THEMIS: variants seen among roughly 807,000 people sequenced by gnomAD.
THEMIS encodes the protein thymocyte selection associated, also known as protein THEMIS.
THEMIS carries 37 observed loss-of-function variants against 52.6 expected under a neutral mutation model. The observed-to-expected ratio is 0.70, with a 90% CI of 0.54 to 0.93. The LOEUF (loss-of-function observed/expected upper bound fraction) is 0.93, where lower values mean the gene tolerates loss of function less well. Ranked by LOEUF, THEMIS falls within the 40% of genes least tolerant of loss-of-function variation. THEMIS has a pLI of 0.00. For missense variants in THEMIS, 808 were observed against 763.1 expected (o/e 1.06, Z -0.69); for synonymous variants, 292 against 272.7 (o/e 1.07, Z -0.70).
At chr6:127,778,383 C>T (rs1181619270) in intron 4 of THEMIS, among the ~76,000 whole-genome samples, 1 of 152,100 alleles carries the variant, frequency 6.6e-6, no homozygotes, top group East Asian at 1.9e-4. Flanking sequence ...CATTCTTTTA[C>T]TATCAACATG....
rs569065709 is a variant in THEMIS, at chr6:127,812,782, T to C, written c.1758+101A>G. On this transcript the variant is annotated intron_variant, in intron 4 of 5. Transcript: ENST00000368248. ...AGAAAAGCTCATTGCAAATATGGCATGAAAGAAAGAAAAGTAAGCAAAACA... is the reference window on the plus strand; with the variant it reads ...AGAAAAGCTCATTGCAAATATGGCACGAAAGAAAGAAAAGTAAGCAAAACA... The C allele has an allele frequency of 4.1e-6, 5 of 1,207,074 alleles. No individual in the cohort carries two copies. The African/African-American group carries it at 6.1e-5, about 15-fold the overall frequency. 74.8% of individuals were successfully genotyped at this position (1,207,074 alleles called of 1,614,324 possible). A position where few individuals can be genotyped will look rare whatever the true frequency, so the allele number is the denominator to read the frequency against.
chr6:127,801,277 G>A (rs1440163769), intron 4 of THEMIS, among the ~76,000 whole-genome samples: 1 of 152,162 alleles, frequency 6.6e-6, no homozygotes, highest in Non-Finnish European at 1.5e-5. Context: ...GCAAAGTGAT[G>A]AATGAAATCG....
At chr6:127,777,000 T>C (rs1776587118) in intron 4 of THEMIS, among the ~76,000 whole-genome samples, 1 of 151,802 alleles carries the variant, frequency 6.6e-6, no homozygotes, top group South Asian at 2.1e-4. Context: ...AATGTTACAA[T>C]TATATATATA....
intron 4 of THEMIS, chr6:127,807,316 C>T (rs948337573): frequency 4.4e-5 from 11 of 250,304 alleles, no homozygotes; most frequent in African/African-American, 7.2e-5. Context: ...GCCAAGATCA[C>T]GCCATTGCAC....
At chr6:127,748,534 C>T (rs1479269352) in intron 4 of THEMIS, among the ~76,000 whole-genome samples, 1 of 152,052 alleles carries the variant, frequency 6.6e-6, no homozygotes, top group African/African-American at 2.4e-5. Context: ...ACCTAATCAC[C>T]TCTTAAAGTC....
rs1773920090 is a variant in THEMIS, at chr6:127,710,002, C to A, written c.1909G>T (p.Glu637Ter). Residue 637 changes from glutamate to a stop codon, truncating the protein, a stop_gained, in exon 6 of 6, where the codon GAA becomes TAA. Coordinates refer to ENST00000368248, the MANE Select transcript of THEMIS (RefSeq NM_001010923.3). LOFTEE classifies it high-confidence loss of function. ...ATAIAETFKN[E>*]KHQK ...ACATCTTGTTATTTTTGATGTTTTT[C>A]ATTTTTGAATGTTTCTATAAATAAA... The A allele has an allele frequency of 1.3e-6, 2 of 1,583,790 alleles. No homozygotes were observed. The highest frequency in any genetic ancestry group is 1.4e-5 in the African/African-American group (1 of 73,056).
At chr6:127,769,515 G>A (rs1013305235) in intron 4 of THEMIS, among the ~76,000 whole-genome samples, 6 of 152,174 alleles carry the variant, frequency 3.9e-5, no homozygotes, top group African/African-American at 1.4e-4. Flanking sequence ...AAGTCACAAA[G>A]CTTAAGCAGT....
rs1781119556 is a variant in THEMIS at position 127,900,967 on chromosome 6, C to T, written c.-35G>A. ...TTGGGTAGTTTGTAGACCTGGTGCT[C>T]ACAGAAACTTGTGGCTTCTGGGTGA... On this transcript the variant is annotated 5_prime_UTR_variant, in exon 1 of 6. An upstream open reading frame in the 5' UTR loses its in-frame stop. Coordinates refer to ENST00000368248, the MANE Select transcript of THEMIS (RefSeq NM_001010923.3). The T allele has an allele frequency of 1.3e-6, 2 of 1,561,048 alleles. No homozygotes were observed. The highest frequency in any genetic ancestry group is 2.7e-5 in the African/African-American group (2 of 73,780).
At chr6:127,771,514 T>C (rs1776383665) in intron 4 of THEMIS, among the ~76,000 whole-genome samples, 2 of 152,102 alleles carry the variant, frequency 1.3e-5, no homozygotes, top group South Asian at 4.1e-4. Context: ...CGTCAAACTA[T>C]ACTACAAGGC....
intron 4 of THEMIS, among the ~76,000 whole-genome samples, chr6:127,758,816 GTTTC>G (rs1421148972): frequency 2.0e-5 from 3 of 152,050 alleles, no homozygotes; most frequent in African/African-American, 7.2e-5. Context: ...AAAAGAAACT[GTTTC>G]TTTGTTGGGC....
chr6:127,798,977 G>A (rs1162686413), intron 4 of THEMIS, among the ~76,000 whole-genome samples: 3 of 140,616 alleles, frequency 2.1e-5, no homozygotes, highest in Admixed American at 7.2e-5. Flanking sequence ...GGGCGACAGA[G>A]CGAGACTCCG....
intron 1 of THEMIS, among the ~76,000 whole-genome samples, chr6:127,875,359 C>A (rs1780283090): frequency 6.6e-6 from 1 of 152,196 alleles, no homozygotes; most frequent in African/African-American, 2.4e-5. Context: ...CATGTGCATA[C>A]AAGGTGAAGT....
chr6:127,698,510 G>T, the THEMIS span, among the ~76,000 whole-genome samples: 1 of 152,010 alleles, frequency 6.6e-6, no homozygotes. Context: ...TATTACACAA[G>T]TCTATAAGGA....
At chr6:127,797,772 T>C (rs1345536480) in intron 4 of THEMIS, among the ~76,000 whole-genome samples, 7 of 152,220 alleles carry the variant, frequency 4.6e-5, no homozygotes, top group Admixed American at 4.6e-4. Context: ...CTTCTCAATG[T>C]TTCTCTAATT....
intron 1 of THEMIS, among the ~76,000 whole-genome samples, chr6:127,915,188 G>GAA (rs60312145): frequency 2.0e-5 from 3 of 151,392 alleles, no homozygotes; most frequent in Middle Eastern, 3.4e-3. Context: ...TTCCCCTTTG[G>GAA]AAAAAAAACA....
chr6:127,705,164 C>T (rs1324197131), downstream of THEMIS, among the ~76,000 whole-genome samples: 2 of 152,094 alleles, frequency 1.3e-5, no homozygotes, highest in African/African-American at 2.4e-5. Flanking sequence ...GATAAAAATA[C>T]CTGCAGAAGA....
At position 127,813,753 on chromosome 6, in the gene THEMIS, C is replaced by A. The variant is rs1319328911; in HGVS notation, c.888G>T (p.Leu296=). ...EVIEAPEGNH[L]PQSILQPGKT... ...TCCCAGGCTGTAAAATGCTTTGGGG[C>A]AGGTGGTTTCCTTCAGGTGCTTCTA... Residue 296 remains leucine (L), a synonymous_variant, in exon 4 of 6, where the codon CTG becomes CTT. Transcript: ENST00000368248. 1 of 1,613,816 alleles carries A rather than the reference C, an allele frequency of 6.2e-7. No individual in the cohort carries two copies. The highest frequency in any genetic ancestry group is 1.1e-5 in the South Asian group (1 of 91,042).
At chr6:127,734,896 A>T (rs2875992) in intron 4 of THEMIS, among the ~76,000 whole-genome samples, 1,675 of 63,592 alleles carry the variant, frequency 0.026, 17 homozygotes, top group Non-Finnish European at 0.033. Flanking sequence ...AAAAAAAAAA[A>T]ATATATATAT....
chr6:127,808,518 T>A (rs1383875966), intron 4 of THEMIS, among the ~76,000 whole-genome samples: 1 of 152,226 alleles, frequency 6.6e-6, no homozygotes, highest in Non-Finnish European at 1.5e-5. Context: ...ACATTATTTC[T>A]GCATTATGTC....
Sources: gnomAD v4.1 joint callset for allele counts (sites outside exome capture counted in the v4.1 genomes callset) on GRCh38, gnomAD v4.1.1 for gene constraint, MANE v1.5 for transcripts, NCBI Gene and HGNC (gene_info 2026-07-23, HGNC 2026-07-21) for gene names.